PTPRT: variants seen among roughly 807,000 people sequenced by gnomAD.
PTPRT encodes the protein protein tyrosine phosphatase receptor type T, also known as receptor-type tyrosine-protein phosphatase T.
A neutral mutation model predicts 176.8 loss-of-function variants in PTPRT; 56 were observed. The ratio of observed to expected loss-of-function variants is 0.32; its 90% CI spans 0.26 to 0.40. PTPRT has a LOEUF of 0.40. Ranked by LOEUF, PTPRT falls within the 10% of genes least tolerant of loss-of-function variation. The probability of loss-of-function intolerance (pLI) is 1.00; values close to 1 mark genes in which losing one functional copy is unlikely to be tolerated. For missense variants in PTPRT, 1,540 were observed against 1,908.2 expected (o/e 0.81, Z 3.60); for synonymous variants, 783 against 739.0 (o/e 1.06, Z -0.96).
chr20:42,679,652 T>C (rs1418311194), intron 6 of PTPRT, among the ~76,000 whole-genome samples: 2 of 152,250 alleles, frequency 1.3e-5, no homozygotes, highest in Non-Finnish European at 2.9e-5. Context: ...ATTTTTTGTG[T>C]TGTTATAATA....
intron 1 of PTPRT, among the ~76,000 whole-genome samples, chr20:42,955,023 GA>G (rs1050311426): frequency 2.0e-5 from 3 of 149,872 alleles, no homozygotes; most frequent in Non-Finnish European, 4.5e-5. Flanking sequence ...GAGGGAGGAG[GA>G]GTTACACAGA....
intron 1 of PTPRT, among the ~76,000 whole-genome samples, chr20:43,169,523 C>G (rs1026277495): frequency 6.6e-6 from 1 of 152,194 alleles, no homozygotes; most frequent in Non-Finnish European, 1.5e-5. Context: ...AATGTAGCAA[C>G]AGTTAACTAA....
At chr20:42,060,598 C>G in the PTPRT span, among the ~76,000 whole-genome samples, 1 of 152,186 alleles carries the variant, frequency 6.6e-6, no homozygotes, top group African/African-American at 2.4e-5. Flanking sequence ...AGGAGTTCCC[C>G]TGCACAAGTT....
At chr20:42,572,977 A>G (rs945325396) in intron 7 of PTPRT, among the ~76,000 whole-genome samples, 15 of 137,666 alleles carry the variant, frequency 1.1e-4, no homozygotes, top group Non-Finnish European at 1.7e-4. Flanking sequence ...TTTTTTTGGC[A>G]TATATGTCTC....
At chr20:42,225,650 A>AT (rs1393264302) in intron 15 of PTPRT, among the ~76,000 whole-genome samples, 8 of 152,036 alleles carry the variant, frequency 5.3e-5, no homozygotes, top group Non-Finnish European at 1.2e-4. Flanking sequence ...TGAATGTGTC[A>AT]TTTTTTATTT....
intron 11 of PTPRT, among the ~76,000 whole-genome samples, chr20:42,321,111 C>T (rs1236054432): frequency 6.6e-6 from 1 of 152,164 alleles, no homozygotes; most frequent in African/African-American, 2.4e-5. Context: ...AACTTTGTTT[C>T]CAGCACTCCT....
Position 42,075,101 on chromosome 20 carries a change from A to G in PTPRT, c.*5778T>C. On this transcript the variant is annotated 3_prime_UTR_variant, in exon 31 of 31. Transcript: ENST00000373187. ...CAAGGCCTTGCATTCTATCACTTCT[A>G]GACATGTATACATGGAAAACCTCCA... is the stretch of plus-strand genomic sequence containing the variant. 1 of 361,514 alleles carries G rather than the reference A, an allele frequency of 2.8e-6. No individual in the cohort carries two copies. Among genetic ancestry groups the G allele is most frequent in the Middle Eastern group, 7.1e-4 (1 of 1,414 alleles). 22.4% of individuals were successfully genotyped at this position (361,514 alleles called of 1,614,324 possible). A position where few individuals can be genotyped will look rare whatever the true frequency, so the allele number is the denominator to read the frequency against.
At position 42,697,485 on chromosome 20, in the gene PTPRT, C is replaced by T. The variant is rs138104592; in HGVS notation, c.860-19326G>A. Among the ~76,000 whole-genome samples, 62 of 152,240 alleles carry T rather than the reference C, an allele frequency of 4.1e-4. 1 individual carries two copies. In the East Asian group the frequency reaches 0.011, roughly 27 times the overall value. On this transcript the variant is annotated intron_variant, in intron 6 of 30. Transcript: ENST00000373187. ...TGCAAATTACTCGAAAGGAAGATAA[C>T]CGGTAAGGAAATGGTCAGTAAGATA...
chr20:42,717,757 A>G (rs745849469), intron 6 of PTPRT, among the ~76,000 whole-genome samples: 1 of 152,252 alleles, frequency 6.6e-6, no homozygotes, highest in Non-Finnish European at 1.5e-5. Flanking sequence ...ATATGTATAC[A>G]AGGACTCAGA....
At position 42,620,714 on chromosome 20, in the gene PTPRT, C is replaced by G. The variant is rs541788608; in HGVS notation, c.1153+57152G>C. Among the ~76,000 whole-genome samples the G allele has an allele frequency of 2.0e-5, 3 of 152,318 alleles. No individual in the cohort carries two copies. The East Asian group carries it at 5.8e-4, about 29-fold the overall frequency. Reference sequence around the variant, plus strand: ...GAGTGACCCAATTTTCCAGGTGCGTCAGTCACCCCTTTCTTTGACTTCGAA... The same window carrying G: ...GAGTGACCCAATTTTCCAGGTGCGTGAGTCACCCCTTTCTTTGACTTCGAA... On this transcript the variant is annotated intron_variant, in intron 7 of 30. Transcript: ENST00000373187.
At chr20:42,603,194 G>A (rs941649142) in intron 7 of PTPRT, among the ~76,000 whole-genome samples, 34 of 152,124 alleles carry the variant, frequency 2.2e-4, no homozygotes, top group African/African-American at 8.0e-4. Flanking sequence ...GACAATCAGC[G>A]CAAGAAGACA....
intron 1 of PTPRT, chr20:43,063,563 G>C (rs890601379): frequency 1.3e-5 from 2 of 152,352 alleles, no homozygotes; most frequent in Middle Eastern, 3.4e-3. Flanking sequence ...TCCAAACAAA[G>C]AGCCAACTTC....
At chr20:42,977,671 T>C (rs1160240697) in intron 1 of PTPRT, among the ~76,000 whole-genome samples, 1 of 152,232 alleles carries the variant, frequency 6.6e-6, no homozygotes, top group East Asian at 1.9e-4. Context: ...TTAAACTAAA[T>C]AGAGTGTGAC....
In PTPRT at chr20:42,077,222, T is replaced by A. The variant is rs772500093; in HGVS notation, c.*3657A>T. ...ACTAAAAGCAAACTGTCCCCTTCCA[T>A]TCCCACAAAGAGAGGCCTACTGTGG... On this transcript the variant is annotated 3_prime_UTR_variant, in exon 31 of 31. Coordinates refer to ENST00000373187, the MANE Select transcript of PTPRT (RefSeq NM_007050.6). 4 of 185,498 alleles carry A rather than the reference T, an allele frequency of 2.2e-5. No homozygotes were observed. The highest frequency in any genetic ancestry group is 6.2e-5 in the Admixed American group (1 of 16,070). 11.5% of individuals were successfully genotyped at this position (185,498 alleles called of 1,614,324 possible).
chr20:42,599,819 T>C (rs1483458930), intron 7 of PTPRT, among the ~76,000 whole-genome samples: 1 of 152,138 alleles, frequency 6.6e-6, no homozygotes, highest in Non-Finnish European at 1.5e-5. Flanking sequence ...CAAGCTACCA[T>C]TGCAAGACAG....
chr20:42,792,789 G>A (rs2077396205), intron 2 of PTPRT, among the ~76,000 whole-genome samples: 2 of 152,102 alleles, frequency 1.3e-5, no homozygotes, highest in Admixed American at 1.3e-4. Flanking sequence ...CAGTTAATAA[G>A]TGCTGGGAAA....
intron 7 of PTPRT, among the ~76,000 whole-genome samples, chr20:42,651,245 A>C (rs986933973): frequency 6.6e-5 from 10 of 152,188 alleles, no homozygotes; most frequent in African/African-American, 2.4e-4. Context: ...GACATATATT[A>C]AACTAGAATA....
At position 43,082,474 on chromosome 20, in the gene PTPRT, C is replaced by G. The variant is rs2011468405; in HGVS notation, c.88+107172G>C. Reference sequence around the variant, plus strand: ...ACTATATCCTCCCCACAGCAAGACACAACCCTTGGACTGCTTTCCTCTACC... The same window carrying G: ...ACTATATCCTCCCCACAGCAAGACAGAACCCTTGGACTGCTTTCCTCTACC... On this transcript the variant is annotated intron_variant, in intron 1 of 30. Coordinates refer to ENST00000373187, the MANE Select transcript of PTPRT (RefSeq NM_007050.6). 2.0e-5 allele frequency among the ~76,000 whole-genome samples: 3 copies of G among 152,308 alleles called. No homozygotes were observed. The South Asian group carries it at 6.2e-4, about 32-fold the overall frequency.
chr20:42,903,535 T>C (rs561033104), intron 1 of PTPRT, among the ~76,000 whole-genome samples: 1 of 152,336 alleles, frequency 6.6e-6, no homozygotes, highest in South Asian at 2.1e-4. Flanking sequence ...AACTGGTAAT[T>C]GTGTAGATAA....
Sources: gnomAD v4.1 joint callset for allele counts (sites outside exome capture counted in the v4.1 genomes callset) on GRCh38, gnomAD v4.1.1 for gene constraint, MANE v1.5 for transcripts, NCBI Gene and HGNC (gene_info 2026-07-23, HGNC 2026-07-21) for gene names.